Variants in DPP6 observed in about 807,000 individuals in gnomAD.
The protein encoded by DPP6 is A-type potassium channel modulatory protein DPP6.
DPP6 carries 69 observed loss-of-function variants against 122.6 expected under a neutral mutation model. The observed-to-expected ratio is 0.56, with a 90% confidence interval of 0.46 to 0.69. DPP6 has a LOEUF of 0.69. DPP6 is among the 30% of genes least tolerant of loss of function. The pLI is 0.00. For missense variants in DPP6, 928 were observed against 1,116.9 expected (o/e 0.83, Z 2.41); for synonymous variants, 418 against 433.1 (o/e 0.97, Z 0.43).
intron 1 of DPP6, among the ~76,000 whole-genome samples, chr7:154,288,476 G>C (rs753758755): frequency 6.6e-6 from 1 of 152,220 alleles, no homozygotes; most frequent in Non-Finnish European, 1.5e-5. Flanking sequence ...CAGACCAGGA[G>C]TGCAATCTCT....
At chr7:154,732,671 G>T (rs1842396007) in intron 8 of DPP6, among the ~76,000 whole-genome samples, 1 of 152,216 alleles carries the variant, frequency 6.6e-6, no homozygotes. Flanking sequence ...GGGCCCGAAG[G>T]GTATTTATTT....
chr7:154,433,081 C>G (rs553655287), intron 1 of DPP6, among the ~76,000 whole-genome samples: 51 of 150,738 alleles, frequency 3.4e-4, no homozygotes, highest in Non-Finnish European at 6.9e-4. Context: ...CTGACTTATC[C>G]AGGTTACAGA....
chr7:153,857,356 C>T, the DPP6 span, among the ~76,000 whole-genome samples: 1 of 149,864 alleles, frequency 6.7e-6, no homozygotes, highest in African/African-American at 2.4e-5. Context: ...CTCTCTCTCT[C>T]TCTCAGCATG....
At chr7:154,746,707 G>A (rs1469373100) in intron 8 of DPP6, among the ~76,000 whole-genome samples, 1 of 152,198 alleles carries the variant, frequency 6.6e-6, no homozygotes, top group Non-Finnish European at 1.5e-5. Context: ...TTTGGCAAAA[G>A]AGTATTCACT....
chr7:154,122,778 G>T (rs1260533807), intron 1 of DPP6, among the ~76,000 whole-genome samples: 2 of 152,072 alleles, frequency 1.3e-5, no homozygotes, highest in Non-Finnish European at 2.9e-5. Flanking sequence ...ATGGAGCCTC[G>T]AGACCCCTCC....
At chr7:154,537,140 T>G (rs1473796163) in intron 3 of DPP6, among the ~76,000 whole-genome samples, 3 of 152,104 alleles carry the variant, frequency 2.0e-5, no homozygotes, top group Non-Finnish European at 4.4e-5. Context: ...GAAAATGCAC[T>G]TTCAACACAT....
At chr7:154,126,438 G>T (rs3115112) in intron 1 of DPP6, among the ~76,000 whole-genome samples, 3 of 151,928 alleles carry the variant, frequency 2.0e-5, no homozygotes, top group African/African-American at 7.3e-5. Context: ...TGGATGTGCT[G>T]TCATCTTATG....
At chr7:154,745,468 C>T (rs1000122482) in intron 8 of DPP6, among the ~76,000 whole-genome samples, 12 of 152,148 alleles carry the variant, frequency 7.9e-5, no homozygotes, top group African/African-American at 2.7e-4. Flanking sequence ...CTTAGTAACA[C>T]CCGGCCTTCC....
intron 21 of DPP6, among the ~76,000 whole-genome samples, chr7:154,883,347 C>T (rs532444148): frequency 4.0e-5 from 6 of 149,340 alleles, no homozygotes; most frequent in African/African-American, 1.2e-4. Flanking sequence ...CACACACGCT[C>T]ATACACACAC....
chr7:154,553,576 A>C (rs888014106), intron 4 of DPP6, among the ~76,000 whole-genome samples: 1 of 152,102 alleles, frequency 6.6e-6, no homozygotes, highest in African/African-American at 2.4e-5. Context: ...TTATTTTAAA[A>C]CTCAGAAAAA....
chr7:154,125,334 C>T (rs1807798844), intron 1 of DPP6, among the ~76,000 whole-genome samples: 1 of 152,180 alleles, frequency 6.6e-6, no homozygotes, highest in South Asian at 2.1e-4. Flanking sequence ...TTATATACCG[C>T]CTACATTTCT....
chr7:154,299,400 A>G (rs1805754412), intron 1 of DPP6, among the ~76,000 whole-genome samples: 1 of 152,238 alleles, frequency 6.6e-6, no homozygotes, highest in Non-Finnish European at 1.5e-5. Context: ...CTGAGGTGAC[A>G]GTGAGCACGC....
At position 154,134,330 on chromosome 7, in the gene DPP6, T is replaced by G. The variant is rs369860302; in HGVS notation, c.243+81267T>G. Among the ~76,000 whole-genome samples the G allele has an allele frequency of 2.5e-4, 38 of 152,270 alleles. 1 individual carries two copies. The East Asian group carries it at 4.8e-3, about 19-fold the overall frequency. ...ATGATCTAGTGCTCATTCCCTCTGA[T>G]CCCATTGCCCTGACATTATCTGATG... On this transcript the variant is annotated intron_variant, in intron 1 of 25. Coordinates refer to ENST00000377770, the MANE Select transcript of DPP6 (RefSeq NM_130797.4).
chr7:154,499,878 A>G (rs1825079214), intron 3 of DPP6, among the ~76,000 whole-genome samples: 1 of 152,164 alleles, frequency 6.6e-6, no homozygotes, highest in African/African-American at 2.4e-5. Context: ...TTTAGACACA[A>G]TTACAGCTGT....
chr7:154,109,514 A>T (rs1305487414), intron 1 of DPP6, among the ~76,000 whole-genome samples: 4 of 151,654 alleles, frequency 2.6e-5, no homozygotes, highest in Admixed American at 2.6e-4. Context: ...CTGGTCTGGA[A>T]CTCCTGACCT....
At chr7:154,535,244 T>C (rs1828144200) in intron 3 of DPP6, among the ~76,000 whole-genome samples, 1 of 151,964 alleles carries the variant, frequency 6.6e-6, no homozygotes, top group Admixed American at 6.6e-5. Flanking sequence ...AGACCCTAAA[T>C]GAAAGAGCTA....
chr7:154,450,572 A>G (rs979032553), intron 2 of DPP6, among the ~76,000 whole-genome samples: 7 of 152,164 alleles, frequency 4.6e-5, no homozygotes, highest in African/African-American at 1.7e-4. Flanking sequence ...CAGTTCCGGG[A>G]GAGAGAGCGT....
the DPP6 span, among the ~76,000 whole-genome samples, chr7:153,807,396 G>A: frequency 1.3e-5 from 2 of 150,764 alleles, no homozygotes; most frequent in Non-Finnish European, 2.9e-5. Flanking sequence ...GCCACAGAGC[G>A]AGACTCCATC....
chr7:154,125,488 G>A lies in DPP6; in HGVS notation c.243+72425G>A, dbSNP rs574634104. Among the ~76,000 whole-genome samples the A allele has an allele frequency of 3.3e-5, 5 of 152,258 alleles. No individual in the cohort carries two copies. The South Asian group carries it at 1.0e-3, about 32-fold the overall frequency. Reference sequence around the variant, plus strand: ...TAAGGATCCTAACATGACCACTAAAGAGCAATGCACCTGAGTGTGAACGCA... The same window carrying A: ...TAAGGATCCTAACATGACCACTAAAAAGCAATGCACCTGAGTGTGAACGCA... On this transcript the variant is annotated intron_variant, in intron 1 of 25. Transcript: ENST00000377770.
Sources: gnomAD v4.1 joint callset for allele counts (sites outside exome capture counted in the v4.1 genomes callset) on GRCh38, gnomAD v4.1.1 for gene constraint, MANE v1.5 for transcripts, NCBI Gene and HGNC (gene_info 2026-07-23, HGNC 2026-07-21) for gene names.